NCK1: variants seen among roughly 807,000 people sequenced by gnomAD.
NCK1 encodes the protein SH2/SH3 adapter protein NCK1.
Under a neutral mutation model 36.6 loss-of-function variants are expected in NCK1, and 19 were observed. That is an observed-to-expected ratio of 0.52 (90% confidence interval 0.36 to 0.76). The LOEUF is 0.76. Among genes scored for constraint, NCK1 ranks in the 30% least tolerant of loss-of-function variants. The pLI is 0.00. For synonymous variants in NCK1, 165 were observed against 156.0 expected, an observed-to-expected ratio of 1.06 and a Z score of -0.43; for missense variants, 358 against 445.6, an observed-to-expected ratio of 0.80 and a Z score of 1.77.
intron 1 of NCK1, among the ~76,000 whole-genome samples, chr3:136,895,231 A>G (rs1160061688): frequency 6.6e-6 from 1 of 152,158 alleles, no homozygotes; most frequent in African/African-American, 2.4e-5. Flanking sequence ...TAACGTAGTC[A>G]ACTATATGAT....
At chr3:136,885,552 A>G (rs908420700) in intron 1 of NCK1, among the ~76,000 whole-genome samples, 1 of 152,120 alleles carries the variant, frequency 6.6e-6, no homozygotes, top group South Asian at 2.1e-4. Flanking sequence ...TGATTCGTCT[A>G]CCTTGGCCTC....
intron 2 of NCK1, among the ~76,000 whole-genome samples, chr3:136,932,152 A>G (rs1940408835): frequency 6.6e-6 from 1 of 151,756 alleles, no homozygotes; most frequent in African/African-American, 2.4e-5. Flanking sequence ...CCATTGTATC[A>G]TTGATACAGT....
chr3:136,936,184 G>A (rs1251897243), intron 2 of NCK1, among the ~76,000 whole-genome samples: 1 of 151,910 alleles, frequency 6.6e-6, no homozygotes, highest in African/African-American at 2.4e-5. Flanking sequence ...GGGATTACAG[G>A]CACATGCCAC....
chr3:136,886,839 ATCTT>A (rs1230811097), intron 1 of NCK1, among the ~76,000 whole-genome samples: 1 of 87,398 alleles, frequency 1.1e-5, no homozygotes, highest in African/African-American at 4.6e-5. Flanking sequence ...TTTTTTTCCT[ATCTT>A]TCTTTTTCTT....
chr3:136,929,793 A>G (rs1274681783), intron 2 of NCK1, among the ~76,000 whole-genome samples: 1 of 152,192 alleles, frequency 6.6e-6, no homozygotes, highest in East Asian at 1.9e-4. Context: ...AATATAGTGA[A>G]AAAACTATTA....
chr3:136,918,819 A>G (rs910659498), intron 1 of NCK1, among the ~76,000 whole-genome samples: 15 of 152,216 alleles, frequency 9.9e-5, no homozygotes, highest in Admixed American at 6.5e-4. Context: ...GTATTCATTC[A>G]TGTAACCTTT....
chr3:136,878,796 C>G (rs567081329), intron 1 of NCK1, among the ~76,000 whole-genome samples: 1 of 152,166 alleles, frequency 6.6e-6, no homozygotes, highest in African/African-American at 2.4e-5. Flanking sequence ...AGCAAGAAGA[C>G]TGACTATTGT....
rs114081694 is a variant in NCK1, at chr3:136,876,513, C to G, written c.-19+14160C>G. Reference sequence around the variant, plus strand: ...AATACAAACTACCATACTTTGTTTTCTAGCTTGGCTTTTATGAACATCCTT... The same window carrying G: ...AATACAAACTACCATACTTTGTTTTGTAGCTTGGCTTTTATGAACATCCTT... On this transcript the variant is annotated intron_variant, in intron 1 of 3. Transcript: ENST00000481752. 4.6e-3 allele frequency among the ~76,000 whole-genome samples: 693 copies of G among 152,134 alleles called. 7 individuals are homozygous for G. Among genetic ancestry groups the G allele is most frequent in the African/African-American group, 0.016 (678 of 41,552 alleles).
At chr3:136,882,328 C>G (rs950636212) in intron 1 of NCK1, among the ~76,000 whole-genome samples, 2 of 151,974 alleles carry the variant, frequency 1.3e-5, no homozygotes, top group Admixed American at 1.3e-4. Context: ...CGAGAAATGT[C>G]TATTTTGTTC....
intron 1 of NCK1, among the ~76,000 whole-genome samples, chr3:136,921,608 C>T (rs1262942718): frequency 6.6e-6 from 1 of 151,932 alleles, no homozygotes; most frequent in East Asian, 1.9e-4. Flanking sequence ...TTATAGATGT[C>T]GAAGATAAAC....
intron 3 of NCK1, 58 bp downstream of exon 3, chr3:136,946,353 G>A (rs901620658): frequency 6.9e-7 from 1 of 1,452,238 alleles, no homozygotes; most frequent in South Asian, 1.3e-5. Flanking sequence ...AAAAAAAAGA[G>A]AGAGAGAAAT....
intron 1 of NCK1, among the ~76,000 whole-genome samples, chr3:136,872,644 C>T (rs1197425101): frequency 6.6e-6 from 1 of 152,172 alleles, no homozygotes; most frequent in African/African-American, 2.4e-5. Context: ...CATGGCAGCC[C>T]CTCCCATCAC....
At chr3:136,912,781 G>C (rs1420578920) in intron 1 of NCK1, among the ~76,000 whole-genome samples, 1 of 151,884 alleles carries the variant, frequency 6.6e-6, no homozygotes, top group African/African-American at 2.4e-5. Context: ...TCAGCTTCCT[G>C]AGTAGCTGGA....
rs1940292788 is a variant in NCK1, at chr3:136,928,109, G to A, written c.108G>A (p.Lys36=). 1.2e-6 allele frequency: 2 copies of A among 1,614,062 alleles called. No individual in the cohort carries two copies. The highest frequency in any genetic ancestry group is 1.3e-5 in the African/African-American group (1 of 74,928). ...NERLWLLDDS[K]SWWRVRNSMN... Reference sequence around the variant, plus strand: ...GATTATGGCTTCTGGATGATTCTAAGTCCTGGTGGCGAGTTCGAAATTCCA... The same window carrying A: ...GATTATGGCTTCTGGATGATTCTAAATCCTGGTGGCGAGTTCGAAATTCCA... The change falls in exon 2 of 4, where the codon AAG becomes AAA. Residue 36 remains lysine (K), a synonymous_variant. Coordinates refer to ENST00000481752, the MANE Select transcript of NCK1 (RefSeq NM_001291999.2).
At chr3:136,913,132 ATTT>A (rs970538094) in intron 1 of NCK1, among the ~76,000 whole-genome samples, 3 of 146,770 alleles carry the variant, frequency 2.0e-5, no homozygotes, top group African/African-American at 5.0e-5. Flanking sequence ...CTGTTGGTTT[ATTT>A]TTTTTTCTTT....
At position 136,946,154 on chromosome 3, in the gene NCK1, T is replaced by C; in HGVS notation, c.798T>C (p.Cys266=). The change falls in exon 3 of 4, where the codon TGT becomes TGC. Residue 266 remains cysteine, a synonymous_variant. Coordinates refer to ENST00000481752, the MANE Select transcript of NCK1 (RefSeq NM_001291999.2). ...GTTTGGAACCATCACCTCCACAGTGTGATTACATTAGGCCTTCACTCACTG... is the reference window on the plus strand; with the variant it reads ...GTTTGGAACCATCACCTCCACAGTGCGATTACATTAGGCCTTCACTCACTG... The part of the protein sequence containing the change: ...TSGLEPSPPQ[C]DYIRPSLTGK... 6.2e-7 allele frequency: 1 copy of C among 1,613,774 alleles called. No homozygotes were observed. The highest frequency in any genetic ancestry group is 8.5e-7 in the Non-Finnish European group (1 of 1,179,950).
rs114598567 is a variant in NCK1, at chr3:136,869,019, C to T, written c.-19+6666C>T. Among the ~76,000 whole-genome samples, 434 of 152,062 alleles carry T rather than the reference C, an allele frequency of 2.9e-3. 3 individuals are homozygous for T. The highest frequency in any genetic ancestry group is 0.01 in the African/African-American group (415 of 41,482). ...TTGGGAGGCTGAGGCATGCGGAGCC[C>T]CTGAGTCCAGGAGTTTGAGACCAGC... On this transcript the variant is annotated intron_variant, in intron 1 of 3. Transcript: ENST00000481752.
In NCK1 at chr3:136,905,710, G is replaced by A. The variant is rs1281302871; in HGVS notation, c.-18-22274G>A. ...TGTGATCATGGCTCAGTGCAGCCTC[G>A]ACCTCCCTGGGCTCAGGTAATCCCT... On this transcript the variant is annotated intron_variant, in intron 1 of 3. Coordinates refer to ENST00000481752, the MANE Select transcript of NCK1 (RefSeq NM_001291999.2). Among the ~76,000 whole-genome samples the A allele has an allele frequency of 6.6e-5, 10 of 151,756 alleles. No homozygotes were observed. In the East Asian group the frequency reaches 7.8e-4, roughly 12 times the overall value.
At chr3:136,896,153 CCT>C (rs1939385927) in intron 1 of NCK1, among the ~76,000 whole-genome samples, 1 of 152,118 alleles carries the variant, frequency 6.6e-6, no homozygotes, top group African/African-American at 2.4e-5. Context: ...CATTTAAAGT[CCT>C]CTCTTCTATC....
Sources: gnomAD v4.1 joint callset for allele counts (sites outside exome capture counted in the v4.1 genomes callset) on GRCh38, gnomAD v4.1.1 for gene constraint, MANE v1.5 for transcripts, NCBI Gene and HGNC (gene_info 2026-07-23, HGNC 2026-07-21) for gene names.